Variants in ANKRD28 observed in about 807,000 individuals in gnomAD.
The protein encoded by ANKRD28 is serine/threonine-protein phosphatase 6 regulatory ankyrin repeat subunit A.
A neutral mutation model predicts 126.5 loss-of-function variants in ANKRD28; 44 were observed. The ratio of observed to expected loss-of-function variants is 0.35; its 90% CI spans 0.27 to 0.45. The LOEUF (loss-of-function observed/expected upper bound fraction) is 0.45, where lower values mean the gene tolerates loss of function less well. Ranked by LOEUF, ANKRD28 falls within the 20% of genes least tolerant of loss-of-function variation. ANKRD28 has a pLI of 1.00. For synonymous variants in ANKRD28, 442 were observed against 468.5 expected, an observed-to-expected ratio of 0.94 and a Z score of 0.73; for missense variants, 1,110 against 1,316.6, an observed-to-expected ratio of 0.84 and a Z score of 2.43.
intron 8 of ANKRD28, among the ~76,000 whole-genome samples, chr3:15,719,069 C>T (rs1380860175): frequency 6.6e-6 from 1 of 151,988 alleles, no homozygotes; most frequent in Non-Finnish European, 1.5e-5. Flanking sequence ...GTGATTTGAC[C>T]GAGACCTAAA....
Position 15,812,158 on chromosome 3 carries a change from A to G in ANKRD28, c.28-16852T>C, listed in dbSNP as rs1211242941. Among the ~76,000 whole-genome samples the G allele has an allele frequency of 1.5e-5, 2 of 134,958 alleles. No individual in the cohort carries two copies. Among genetic ancestry groups the G allele is most frequent in the Non-Finnish European group, 3.3e-5 (2 of 60,648 alleles). 88.5% of individuals were successfully genotyped at this position (134,958 alleles called of 152,430 possible). A position where few individuals can be genotyped will look rare whatever the true frequency, so the allele number is the denominator to read the frequency against. ...ACAGAGTGAGACTCTGGCAAACAAA[A>G]CAAAACAAAACAAAACGAAACCCAA... On this transcript the variant is annotated intron_variant, in intron 1 of 27. Transcript: ENST00000399451. The surrounding 1 kb of genome is among the most constrained non-coding windows in gnomAD (Gnocchi z 4.1).
intron 1 of ANKRD28, among the ~76,000 whole-genome samples, chr3:15,806,666 C>A (rs1279525043): frequency 1.3e-5 from 2 of 152,036 alleles, no homozygotes; most frequent in African/African-American, 4.8e-5. Flanking sequence ...GGATTACAGG[C>A]GCATGCCACC....
intron 3 of ANKRD28, among the ~76,000 whole-genome samples, chr3:15,764,849 T>C (rs1049001050): frequency 5.9e-5 from 9 of 152,308 alleles, no homozygotes; most frequent in African/African-American, 2.2e-4. Context: ...ATAAAGAAGC[T>C]AACAAAATAT....
At chr3:15,769,339 T>TA (rs2058890690) in intron 2 of ANKRD28, among the ~76,000 whole-genome samples, 1 of 152,230 alleles carries the variant, frequency 6.6e-6, no homozygotes, top group African/African-American at 2.4e-5. Flanking sequence ...TTACTACAGT[T>TA]AAACATTGAA....
chr3:15,698,549 A>T (rs1413367517), intron 14 of ANKRD28, among the ~76,000 whole-genome samples: 1 of 152,238 alleles, frequency 6.6e-6, no homozygotes, highest in Non-Finnish European at 1.5e-5. Flanking sequence ...AAGTCTCAGG[A>T]TACAAAATCA....
chr3:15,697,147 C>T (rs1194455917), intron 14 of ANKRD28, among the ~76,000 whole-genome samples: 2 of 152,066 alleles, frequency 1.3e-5, no homozygotes, highest in Non-Finnish European at 2.9e-5. Flanking sequence ...TTGCAGCAAC[C>T]TGGAGTTGGA....
rs1385731084 is a variant in ANKRD28, at chr3:15,668,197, G to C, written c.*2073C>G. ...TGTTCAAGGTGGAAAGATCACCCTT[G>C]TAGAAGGGACTCCTGCATTTGTTAA... is the stretch of plus-strand genomic sequence containing the variant. On this transcript the variant is annotated 3_prime_UTR_variant, in exon 28 of 28. Transcript: ENST00000683139. 1 of 152,158 alleles carries C rather than the reference G, an allele frequency of 6.6e-6. No homozygotes were observed. The highest frequency in any genetic ancestry group is 1.5e-5 in the Non-Finnish European group (1 of 68,016). 9.4% of individuals were successfully genotyped at this position (152,158 alleles called of 1,614,324 possible). A position where few individuals can be genotyped will look rare whatever the true frequency, so the allele number is the denominator to read the frequency against.
chr3:15,724,995 C>CA (rs921839840), intron 6 of ANKRD28, among the ~76,000 whole-genome samples: 5 of 151,642 alleles, frequency 3.3e-5, no homozygotes, highest in African/African-American at 7.3e-5. Context: ...CAAAACAAGA[C>CA]AAAAAAATAG....
rs749981714 is a variant in ANKRD28, at chr3:15,694,809, A to G, written c.1691T>C (p.Met564Thr). 7 of 1,613,276 alleles carry G rather than the reference A, an allele frequency of 4.3e-6. No individual in the cohort carries two copies. The South Asian group carries it at 7.7e-5, about 18-fold the overall frequency. Reference protein sequence around the residue: ...IASETPLDVLMETSGTDMLSD... With the variant: ...IASETPLDVLTETSGTDMLSD... ...CAGCATGTCTGTTCCTGAGGTTTCCATTAACTGAAAAAGAAGAGGCATTTT... is the reference window on the plus strand; with the variant it reads ...CAGCATGTCTGTTCCTGAGGTTTCCGTTAACTGAAAAAGAAGAGGCATTTT... The change falls in exon 17 of 28, where the codon ATG (methionine) becomes ACG (threonine). Residue 564 changes from methionine (M) to threonine (T), a missense_variant. Met to Thr is a moderately conservative substitution (Grantham distance 81). Coordinates refer to ENST00000683139, the MANE Select transcript of ANKRD28 (RefSeq NM_001349278.2).
chr3:15,802,910 T>C (rs1378291213), upstream of ANKRD28, among the ~76,000 whole-genome samples: 4 of 152,220 alleles, frequency 2.6e-5, no homozygotes, highest in African/African-American at 9.6e-5. Flanking sequence ...ATCCTTGTTC[T>C]AATGAACCAT....
At position 15,796,558 on chromosome 3, in the gene ANKRD28, TAA is replaced by T; in HGVS notation, c.-39_-38del. The T allele has an allele frequency of 7.9e-7, 1 of 1,259,974 alleles. No individual in the cohort carries two copies. Among genetic ancestry groups the T allele is most frequent in the Non-Finnish European group, 1.0e-6 (1 of 970,864 alleles). The allele number at this position is 1,259,974 out of a possible 1,614,324, so 78.0% of individuals were successfully genotyped here. On this transcript the variant is annotated 5_prime_UTR_variant, in exon 1 of 28. The change abolishes the stop of an existing upstream ORF in the 5' untranslated region. Coordinates refer to ENST00000683139, the MANE Select transcript of ANKRD28 (RefSeq NM_001349278.2). ...AAACACTAAATTCCAAGCTATGTGA[TAA>T]AAGTCACAGTTGGAAGAGCACAAGT... is the stretch of plus-strand genomic sequence containing the variant.
At chr3:15,850,220 TATATAGAG>T (rs1394099722) in intron 1 of ANKRD28, among the ~76,000 whole-genome samples, 3 of 49,352 alleles carry the variant, frequency 6.1e-5, no homozygotes, top group Non-Finnish European at 9.0e-5. Context: ...TATATATATA[TATATAGAG>T]AGAGAGAGAG....
chr3:15,811,096 C>A (rs183884837), intron 1 of ANKRD28, among the ~76,000 whole-genome samples: 2 of 152,136 alleles, frequency 1.3e-5, no homozygotes, highest in East Asian at 3.9e-4. Flanking sequence ...TCTAAATAAC[C>A]CTACAAAGAA....
At chr3:15,706,533 A>G (rs112343801) in intron 14 of ANKRD28, among the ~76,000 whole-genome samples, 6,607 of 152,220 alleles carry the variant, frequency 0.043, 391 homozygotes, top group African/African-American at 0.14. Context: ...TATTGTGAAT[A>G]GTGTCACAAT....
chr3:15,689,425 C>T (rs1454073156), intron 18 of ANKRD28, among the ~76,000 whole-genome samples: 1 of 152,230 alleles, frequency 6.6e-6, no homozygotes, highest in Non-Finnish European at 1.5e-5. Context: ...GAATCCACTG[C>T]CACTGCCCCC....
chr3:15,834,946 G>A (rs568525974), intron 1 of ANKRD28, among the ~76,000 whole-genome samples: 2 of 152,294 alleles, frequency 1.3e-5, no homozygotes, highest in South Asian at 2.1e-4. Flanking sequence ...CCAGAAGTCC[G>A]AGACTAGCCT....
intron 2 of ANKRD28, among the ~76,000 whole-genome samples, chr3:15,766,771 G>A (rs1218337084): frequency 6.6e-6 from 1 of 152,080 alleles, no homozygotes; most frequent in Non-Finnish European, 1.5e-5. Context: ...GTGGTATAAA[G>A]TCCAGCAAAG....
intron 27 of ANKRD28, among the ~76,000 whole-genome samples, chr3:15,674,196 A>AAAAAAAAAAAAGAAG (rs1470515364): frequency 7.7e-6 from 1 of 130,082 alleles, no homozygotes; most frequent in African/African-American, 3.3e-5. Flanking sequence ...AAAAAAAAAA[A>AAAAAAAAAAAAGAAG]AAGAAGAAGA....
chr3:15,810,540 A>C (rs893110727), intron 1 of ANKRD28, among the ~76,000 whole-genome samples: 5 of 152,132 alleles, frequency 3.3e-5, no homozygotes, highest in Non-Finnish European at 7.3e-5. Context: ...GAATTTCTAA[A>C]ACATGGGATA....
Sources: allele counts gnomAD v4.1 joint callset (sites outside exome capture counted in the v4.1 genomes callset), GRCh38; gene constraint gnomAD v4.1.1; non-coding constraint Gnocchi (gnomAD v3.1); transcripts MANE v1.5; gene names NCBI Gene and HGNC (gene_info 2026-07-23, HGNC 2026-07-21).